The following SYMPK variants were observed in gnomAD, a reference collection of about 807,000 sequenced individuals.
SYMPK encodes symplekin scaffold protein.
SYMPK carries 49 observed loss-of-function variants against 136.4 expected under a neutral mutation model. The ratio of observed to expected loss-of-function variants is 0.36; its 90% CI spans 0.29 to 0.46. The LOEUF (loss-of-function observed/expected upper bound fraction) is 0.46. Ranked by LOEUF, SYMPK falls within the 20% of genes least tolerant of loss-of-function variation. The pLI, the probability that SYMPK is intolerant of heterozygous loss-of-function variation, is 1.00. For missense variants in SYMPK, 1,365 were observed against 1,690.0 expected (o/e 0.81, Z 3.37); for synonymous variants, 766 against 713.0 (o/e 1.07, Z -1.19).
chr19:45,829,823 C>T (rs1443117820), intron 13 of SYMPK, among the ~76,000 whole-genome samples: 1 of 152,220 alleles, frequency 6.6e-6, no homozygotes, highest in African/African-American at 2.4e-5. Flanking sequence ...GCCCTGTGCA[C>T]CTGAGTGCCT....
chr19:45,832,186 G>A (rs915272760), intron 11 of SYMPK, among the ~76,000 whole-genome samples: 13 of 152,040 alleles, frequency 8.6e-5, no homozygotes, highest in African/African-American at 2.9e-4. Flanking sequence ...CCATCACCAA[G>A]GCTGGAGTGC....
chr19:45,854,520 AAAG>A lies in SYMPK; in HGVS notation c.-12-16_-12-14del, dbSNP rs768175333. The A allele has an allele frequency of 2.5e-6, 4 of 1,607,034 alleles. No homozygotes were observed. Among genetic ancestry groups the A allele is most frequent in the East Asian group, 2.2e-5 (1 of 44,858 alleles). On this transcript the variant is annotated splice_polypyrimidine_tract_variant and intron_variant, in intron 1 of 26. Transcript: ENST00000245934. ...TGGCTGCTGTCAGCTTGTCCCCAGG[AAAG>A]AAGAGGATGGATCAAGCTCAGGGAA...
rs1344618970 is a variant in SYMPK at position 45,815,569 on chromosome 19, C to T, written c.3816G>A (p.Gly1272=). 2 of 1,355,172 alleles carry T rather than the reference C, an allele frequency of 1.5e-6. No individual in the cohort carries two copies. Among genetic ancestry groups the T allele is most frequent in the East Asian group, 4.2e-5 (1 of 23,892 alleles). The allele number at this position is 1,355,172 out of a possible 1,614,324, so 83.9% of individuals were successfully genotyped here. ...AEDAREPEAK[G]NS is the part of the protein sequence containing the mutation. ...TCCCCCTCGAGCCCCGTCAGCTGTT[C>T]CCCTTGGCCTCGGGTTCCCTGGCGT... The change falls in exon 27 of 27, where the codon GGG becomes GGA. Residue 1272 remains glycine, a synonymous_variant. Coordinates refer to ENST00000245934, the MANE Select transcript of SYMPK (RefSeq NM_004819.3).
intron 7 of SYMPK, among the ~76,000 whole-genome samples, chr19:45,847,142 G>A (rs1050251734): frequency 1.3e-5 from 2 of 152,016 alleles, no homozygotes; most frequent in South Asian, 2.1e-4. Flanking sequence ...AAAACTGCCC[G>A]GCGCGGTGGC....
At chr19:45,822,205 G>A (rs1023543465) in intron 21 of SYMPK, among the ~76,000 whole-genome samples, 6 of 140,420 alleles carry the variant, frequency 4.3e-5, no homozygotes, top group African/African-American at 1.6e-4. Flanking sequence ...TGCAAGCTCC[G>A]CCTCCCGGGT....
intron 1 of SYMPK, among the ~76,000 whole-genome samples, chr19:45,857,335 G>A (rs1256588780): frequency 6.9e-6 from 1 of 144,798 alleles, no homozygotes; most frequent in African/African-American, 2.6e-5. Context: ...GCATGAACCC[G>A]GGAAGCGGAA....
intron 7 of SYMPK, among the ~76,000 whole-genome samples, chr19:45,845,239 A>G (rs1971532628): frequency 6.6e-6 from 1 of 151,512 alleles, no homozygotes. Context: ...CAGCCTCCTG[A>G]GCTGCTGAGA....
chr19:45,847,331 G>T (rs117519864), intron 7 of SYMPK, among the ~76,000 whole-genome samples: 1 of 151,742 alleles, frequency 6.6e-6, no homozygotes, highest in Non-Finnish European at 1.5e-5. Flanking sequence ...GGCTGAGGCA[G>T]AAGAATCTCT....
intron 5 of SYMPK, among the ~76,000 whole-genome samples, chr19:45,849,081 CT>C (rs1171471439): frequency 6.6e-6 from 1 of 152,180 alleles, no homozygotes. Flanking sequence ...ACACCAACTC[CT>C]TTGCTCTCTC....
intron 8 of SYMPK, chr19:45,842,703 A>C: frequency 1.6e-5 from 9 of 565,602 alleles, no homozygotes; most frequent in Non-Finnish European, 2.7e-5. Context: ...AAAGAGAAAA[A>C]CTCACCCTCT....
intron 7 of SYMPK, 134 bp downstream of exon 7, chr19:45,847,618 C>T: frequency 9.2e-7 from 1 of 1,084,262 alleles, no homozygotes; most frequent in Non-Finnish European, 1.3e-6. Flanking sequence ...AACCTAGCAC[C>T]AGGGATCTTA....
Position 45,825,151 on chromosome 19 carries a change from G to C in SYMPK, c.2490+20C>G, listed in dbSNP as rs79411149. ...CCTTGCCCGTGGGTGGGCAGGGCCT[G>C]GTGGGCTCAGGGGCCTCACCGGCTG... On this transcript the variant is annotated intron_variant, in intron 18 of 26. Coordinates refer to ENST00000245934, the MANE Select transcript of SYMPK (RefSeq NM_004819.3). 0.013 allele frequency: 21,438 copies of C among 1,607,788 alleles called. 485 individuals are homozygous for C. The highest frequency in any genetic ancestry group is 0.07 in the South Asian group (6,358 of 90,382).
chr19:45,816,320 AC>A, intron 25 of SYMPK, 137 bp from the exon 26 acceptor site: 1 of 1,169,420 alleles, frequency 8.6e-7, no homozygotes, highest in Middle Eastern at 2.9e-4. Flanking sequence ...TGTCCCCCAG[AC>A]CCCCAACTCC....
chr19:45,840,884 T>A (rs1338480695), intron 9 of SYMPK, among the ~76,000 whole-genome samples: 1 of 151,736 alleles, frequency 6.6e-6, no homozygotes, highest in African/African-American at 2.4e-5. Flanking sequence ...AACTCCAAGA[T>A]GAAAGTAAAT....
At chr19:45,849,771 C>T (rs772536666) in intron 5 of SYMPK, among the ~76,000 whole-genome samples, 4 of 152,026 alleles carry the variant, frequency 2.6e-5, no homozygotes, top group East Asian at 1.9e-4. Flanking sequence ...CTTGGCCAGG[C>T]GCAGTGGCTC....
intron 12 of SYMPK, 149 bp downstream of exon 12, chr19:45,831,235 G>C (rs1568614355): frequency 6.1e-6 from 3 of 490,206 alleles, no homozygotes; most frequent in Non-Finnish European, 6.8e-6. Context: ...ACTGACTCGG[G>C]AGTCAGAGAG....
At chr19:45,826,130 G>A in intron 17 of SYMPK, 96 bp downstream of exon 17, 6 of 1,500,658 alleles carry the variant, frequency 4.0e-6, no homozygotes, top group Non-Finnish European at 5.4e-6. Context: ...CCCGTCACTC[G>A]TGTCCGAGTG....
Position 45,816,152 on chromosome 19 carries a change from G to A in SYMPK, c.3386C>T (p.Ala1129Val), listed in dbSNP as rs760095220. ...GTCCTGAGGGGGCCGGGGTGCTGGG[G>A]CCGGGGCCAAGGTCAGGGGCTCCAG... ...DDLEPLTLAP[A>V]PAPRPPQDLI... The change falls in exon 26 of 27, where the codon GCC (alanine) becomes GTC (valine). Residue 1129 changes from alanine (A) to valine (V), a missense_variant. By Grantham distance (64) the Ala-to-Val change is moderately conservative. This residue lies in a region of SYMPK where 341 missense variants were observed against 270.5 expected (regional missense o/e 1.26). Transcript: ENST00000245934. The A allele has an allele frequency of 2.6e-6, 4 of 1,547,480 alleles. No homozygotes were observed. The highest frequency in any genetic ancestry group is 1.4e-5 in the African/African-American group (1 of 73,414).
intron 14 of SYMPK, 84 bp from the exon 15 acceptor site, chr19:45,828,002 G>A (rs1600501097): frequency 8.0e-7 from 1 of 1,246,914 alleles, no homozygotes; most frequent in East Asian, 2.3e-5. Context: ...GGAGCTCAGG[G>A]CCAGCAGGCC....
Sources: gnomAD v4.1 joint callset for allele counts (sites outside exome capture counted in the v4.1 genomes callset) on GRCh38, gnomAD v4.1.1 for gene constraint, gnomAD v4.1.1 regional missense constraint, MANE v1.5 for transcripts, NCBI Gene and HGNC (gene_info 2026-07-23, HGNC 2026-07-21) for gene names.